PLEKHA5: variants seen among roughly 807,000 people sequenced by gnomAD.
PLEKHA5 encodes the protein pleckstrin homology domain containing A5, also known as pleckstrin homology domain-containing family A member 5.
Under a neutral mutation model 181.9 loss-of-function variants are expected in PLEKHA5, and 55 were observed. The ratio of observed to expected loss-of-function variants is 0.30; its 90% CI spans 0.24 to 0.38. PLEKHA5 has a LOEUF of 0.38. Among genes scored for constraint, PLEKHA5 ranks in the 10% least tolerant of loss-of-function variants. PLEKHA5 has a pLI of 1.00. For missense variants in PLEKHA5, 1,432 were observed against 1,549.5 expected, an observed-to-expected ratio of 0.92 and a Z score of 1.27; for synonymous variants, 535 against 529.4, an observed-to-expected ratio of 1.01 and a Z score of -0.15.
intron 25 of PLEKHA5, among the ~76,000 whole-genome samples, chr12:19,351,968 C>A (rs1487370469): frequency 4.0e-5 from 6 of 150,172 alleles, no homozygotes; most frequent in Non-Finnish European, 8.8e-5. Context: ...CCCAGTTACT[C>A]AGGAGGCTGA....
At chr12:19,233,876 G>A (rs2060995748) in intron 3 of PLEKHA5, among the ~76,000 whole-genome samples, 1 of 152,128 alleles carries the variant, frequency 6.6e-6, no homozygotes, top group South Asian at 2.1e-4. Context: ...TTGAGATTTA[G>A]GATTCCCCTT....
At chr12:19,180,765 A>T (rs2048341840) in intron 3 of PLEKHA5, among the ~76,000 whole-genome samples, 2 of 150,480 alleles carry the variant, frequency 1.3e-5, no homozygotes, top group Admixed American at 1.3e-4. Context: ...ATAAATATTT[A>T]AAAAATATAT....
Position 19,200,394 on chromosome 12 carries a change from G to T in PLEKHA5, c.228-53546G>T, listed in dbSNP as rs2053936247. On this transcript the variant is annotated intron_variant, in intron 3 of 31. Coordinates refer to ENST00000429027, the MANE Select transcript of PLEKHA5 (RefSeq NM_001256470.2). ...ATGGAAGTTCCAGTATCTGTATGCA[G>T]GCCTATGACTAGCTTCACTTCTTGG... 3.9e-6 allele frequency: 6 copies of T among 1,520,390 alleles called. No homozygotes were observed. The African/African-American group carries it at 4.2e-5, about 11-fold the overall frequency. The allele number at this position is 1,520,390 out of a possible 1,614,324, so 94.2% of individuals were successfully genotyped here.
intron 3 of PLEKHA5, among the ~76,000 whole-genome samples, chr12:19,136,378 T>A (rs1473531732): frequency 2.0e-5 from 3 of 152,224 alleles, no homozygotes; most frequent in Non-Finnish European, 2.9e-5. Flanking sequence ...TTATGAAGAA[T>A]GCTGAAAATA....
intron 13 of PLEKHA5, among the ~76,000 whole-genome samples, chr12:19,290,324 T>C (rs1019605756): frequency 2.6e-5 from 4 of 152,246 alleles, no homozygotes; most frequent in Admixed American, 1.3e-4. Flanking sequence ...TTTTTTTAGA[T>C]ATCTTAGTAA....
intron 3 of PLEKHA5, among the ~76,000 whole-genome samples, chr12:19,250,785 T>C (rs1021610477): frequency 6.6e-6 from 1 of 152,130 alleles, no homozygotes; most frequent in Admixed American, 6.6e-5. Context: ...AATAGGATAG[T>C]GATATGTTAG....
intron 3 of PLEKHA5, among the ~76,000 whole-genome samples, chr12:19,133,471 C>G (rs2034630810): frequency 6.6e-6 from 1 of 152,038 alleles, no homozygotes; most frequent in East Asian, 1.9e-4. Flanking sequence ...AAATGCCAAA[C>G]TGGGTTAAGA....
At chr12:19,307,135 G>A (rs2933273) in intron 15 of PLEKHA5, 1 of 848,272 alleles carries the variant, frequency 1.2e-6, no homozygotes. Flanking sequence ...TGTAGCTGCT[G>A]GTCTTGTTTC....
chr12:19,247,540 A>G (rs1252256680), intron 3 of PLEKHA5, among the ~76,000 whole-genome samples: 1 of 152,188 alleles, frequency 6.6e-6, no homozygotes, highest in Non-Finnish European at 1.5e-5. Flanking sequence ...ACCATTTTAT[A>G]TACACACTGA....
intron 21 of PLEKHA5, among the ~76,000 whole-genome samples, chr12:19,340,957 AAAAAAG>A (rs2093873143): frequency 1.7e-5 from 2 of 115,954 alleles, no homozygotes; most frequent in African/African-American, 3.3e-5. Context: ...AAAAAAAAAA[AAAAAAG>A]AAAGAAAAGA....
intron 25 of PLEKHA5, among the ~76,000 whole-genome samples, chr12:19,350,926 C>CATCCTA (rs1335556298): frequency 6.7e-6 from 1 of 149,570 alleles, no homozygotes; most frequent in African/African-American, 2.4e-5. Flanking sequence ...TTTTCTTTCT[C>CATCCTA]ATCCTAATCC....
chr12:19,302,437 C>T (rs774085289), intron 15 of PLEKHA5, among the ~76,000 whole-genome samples: 6 of 152,152 alleles, frequency 3.9e-5, no homozygotes, highest in Non-Finnish European at 5.9e-5. Flanking sequence ...CCTCTGTCGC[C>T]GAGGCTGGAG....
In PLEKHA5 at chr12:19,197,714, GTGTGTGTGTGTGTGTGTGTT is replaced by G. The variant is rs554403800; in HGVS notation, c.228-56224_228-56205del. Among the ~76,000 whole-genome samples, 162 of 148,124 alleles carry G rather than the reference GTGTGTGTGTGTGTGTGTGTT, an allele frequency of 1.1e-3. 2 individuals carry two copies. The highest frequency in any genetic ancestry group is 6.8e-3 in the Middle Eastern group (2 of 292). On this transcript the variant is annotated intron_variant, in intron 3 of 31. Coordinates refer to ENST00000429027, the MANE Select transcript of PLEKHA5 (RefSeq NM_001256470.2). Reference sequence around the variant, plus strand: ...TGTGTGTGTGTGTGTGTGTGTGTGTGTGTGTGTGTGTGTGTGTGTTTAAGTCGCCTCGTTCACTTCCAAGG... The same window carrying G: ...TGTGTGTGTGTGTGTGTGTGTGTGTGTAAGTCGCCTCGTTCACTTCCAAGG...
intron 16 of PLEKHA5, among the ~76,000 whole-genome samples, chr12:19,318,810 A>G (rs2089873589): frequency 6.6e-6 from 1 of 152,052 alleles, no homozygotes; most frequent in East Asian, 1.9e-4. Context: ...AATCCCAGCT[A>G]CTCTGGAGGC....
chr12:19,345,527 G>A (rs1405692313), intron 22 of PLEKHA5, among the ~76,000 whole-genome samples: 1 of 152,012 alleles, frequency 6.6e-6, no homozygotes, highest in Non-Finnish European at 1.5e-5. Context: ...ACTTTGGGAG[G>A]CCGAGGCAGG....
intron 8 of PLEKHA5, among the ~76,000 whole-genome samples, chr12:19,266,060 T>C (rs1390591668): frequency 6.6e-6 from 1 of 152,182 alleles, no homozygotes; most frequent in Non-Finnish European, 1.5e-5. Flanking sequence ...TCTTCATGTC[T>C]GTGCTTTCAA....
intron 3 of PLEKHA5, among the ~76,000 whole-genome samples, chr12:19,155,956 A>G (rs780932191): frequency 9.2e-5 from 14 of 152,220 alleles, no homozygotes; most frequent in Non-Finnish European, 1.9e-4. Context: ...TTTCTCTGTG[A>G]TAGATTAAGC....
chr12:19,177,297 G>A (rs1298088756), intron 3 of PLEKHA5, among the ~76,000 whole-genome samples: 2 of 152,116 alleles, frequency 1.3e-5, no homozygotes, highest in Non-Finnish European at 2.9e-5. Context: ...TTAATGATGT[G>A]TTAAAAATAC....
intron 3 of PLEKHA5, among the ~76,000 whole-genome samples, chr12:19,209,501 G>A (rs1420018740): frequency 2.6e-5 from 4 of 152,202 alleles, no homozygotes. Context: ...AAAATTAGTT[G>A]AGCAAACTTT....
Sources: allele counts gnomAD v4.1 joint callset (sites outside exome capture counted in the v4.1 genomes callset), GRCh38; gene constraint gnomAD v4.1.1; transcripts MANE v1.5; gene names NCBI Gene and HGNC (gene_info 2026-07-23, HGNC 2026-07-21).